The following HSF2BP variants were observed in gnomAD, a reference collection of about 807,000 sequenced individuals.
The protein encoded by HSF2BP is heat shock transcription factor 2 binding protein.
A neutral mutation model predicts 35.0 loss-of-function variants in HSF2BP; 35 were observed. The ratio of observed to expected loss-of-function variants is 1.00; its 90% CI spans 0.76 to 1.32. The LOEUF (loss-of-function observed/expected upper bound fraction) is 1.32, where lower values mean the gene tolerates loss of function less well. Ranked by LOEUF, HSF2BP falls within the 40% of genes most tolerant of loss-of-function variation. HSF2BP has a pLI of 0.00. For missense variants in HSF2BP, 326 were observed against 321.7 expected, an observed-to-expected ratio of 1.01 and a Z score of -0.10; for synonymous variants, 114 against 117.4, an observed-to-expected ratio of 0.97 and a Z score of 0.18.
At chr21:43,625,277 C>T (rs1219421654) in intron 6 of HSF2BP, among the ~76,000 whole-genome samples, 2 of 151,986 alleles carry the variant, frequency 1.3e-5, no homozygotes, top group African/African-American at 4.8e-5. Context: ...AAGACAACAG[C>T]CTCCAAGCAG....
intron 6 of HSF2BP, among the ~76,000 whole-genome samples, chr21:43,629,051 G>A (rs1012820387): frequency 6.6e-6 from 1 of 152,210 alleles, no homozygotes; most frequent in Non-Finnish European, 1.5e-5. Context: ...CCATGATGGA[G>A]AGGTACAAGG....
chr21:43,573,016 C>T (rs1687509223), intron 8 of HSF2BP, among the ~76,000 whole-genome samples: 2 of 152,194 alleles, frequency 1.3e-5, no homozygotes, highest in Admixed American at 1.3e-4. Context: ...TAGCGGTGCA[C>T]CTGGTCCTTA....
Position 43,658,227 on chromosome 21 carries a change from T to C in HSF2BP, c.-131A>G, listed in dbSNP as rs1319276376. The C allele has an allele frequency of 9.2e-7, 1 of 1,090,798 alleles. No homozygotes were observed. Among genetic ancestry groups the C allele is most frequent in the Non-Finnish European group, 1.3e-6 (1 of 792,102 alleles). 67.6% of individuals were successfully genotyped at this position (1,090,798 alleles called of 1,614,324 possible). A position where few individuals can be genotyped will look rare whatever the true frequency, so the allele number is the denominator to read the frequency against. On this transcript the variant is annotated 5_prime_UTR_variant, in exon 2 of 9. Coordinates refer to ENST00000291560, the MANE Select transcript of HSF2BP (RefSeq NM_007031.2). Reference sequence around the variant, plus strand: ...GCCGCCAGGCCCAAACCTCCCAGAATTTGCGCAGTATTCTCGGCCTAGAGA... The same window carrying C: ...GCCGCCAGGCCCAAACCTCCCAGAACTTGCGCAGTATTCTCGGCCTAGAGA...
Position 43,613,934 on chromosome 21 carries a change from T to A in HSF2BP, c.588A>T (p.Ile196=). ...TAACCAAGAATTCACGACCACATGC[T>A]ATAGCAGCAACATCTGCAACAGAAA... The part of the protein sequence containing the change: ...LAGIVTNVAA[I]ACGREFLVNS... The change falls in exon 7 of 9, where the codon ATA becomes ATT. Residue 196 remains isoleucine, a synonymous_variant. Transcript: ENST00000291560. 1 of 1,608,638 alleles carries A rather than the reference T, an allele frequency of 6.2e-7. No individual in the cohort carries two copies.
intron 7 of HSF2BP, among the ~76,000 whole-genome samples, chr21:43,595,726 ATTTTTTTTTTTTTT>A (rs770855952): frequency 0.022 from 1,278 of 58,510 alleles, 19 homozygotes; most frequent in Middle Eastern, 0.075. Flanking sequence ...TAAGAGGCTA[ATTTTTTTTTTTTTT>A]TTTTTTTTTT....
chr21:43,467,937 A>G, the HSF2BP span, among the ~76,000 whole-genome samples: 2 of 85,738 alleles, frequency 2.3e-5, no homozygotes, highest in African/African-American at 4.9e-5. Context: ...CACACCACAC[A>G]CACACACCAC....
intron 3 of HSF2BP, among the ~76,000 whole-genome samples, chr21:43,651,351 G>A (rs1044145674): frequency 2.6e-5 from 4 of 151,854 alleles, no homozygotes; most frequent in East Asian, 1.9e-4. Context: ...TCTCACTGCC[G>A]ATCATAAATC....
the HSF2BP span, among the ~76,000 whole-genome samples, chr21:43,499,873 T>C: frequency 9.1e-6 from 1 of 109,872 alleles, no homozygotes; most frequent in Admixed American, 9.4e-5. Flanking sequence ...CACGCCACAC[T>C]ACATGCACAC....
chr21:43,619,839 G>A (rs887443822), intron 6 of HSF2BP, among the ~76,000 whole-genome samples: 1 of 152,236 alleles, frequency 6.6e-6, no homozygotes, highest in African/African-American at 2.4e-5. Flanking sequence ...GGCCAGAGAA[G>A]ACACCAAATC....
intron 3 of HSF2BP, among the ~76,000 whole-genome samples, chr21:43,654,211 G>A (rs1347436975): frequency 6.6e-6 from 1 of 152,130 alleles, no homozygotes; most frequent in Non-Finnish European, 1.5e-5. Context: ...GCCTTATTCT[G>A]TAAAATCCCA....
intron 3 of HSF2BP, among the ~76,000 whole-genome samples, chr21:43,652,927 G>A (rs1012036459): frequency 6.6e-6 from 1 of 152,076 alleles, no homozygotes; most frequent in Non-Finnish European, 1.5e-5. Flanking sequence ...CTGAGGTCAG[G>A]AGTTCAAGAC....
At chr21:43,653,622 G>A (rs2082826559) in intron 3 of HSF2BP, among the ~76,000 whole-genome samples, 2 of 152,188 alleles carry the variant, frequency 1.3e-5, no homozygotes, top group East Asian at 1.9e-4. Context: ...ATGAGTCTGG[G>A]TGGGGTTTTT....
intron 8 of HSF2BP, among the ~76,000 whole-genome samples, chr21:43,585,756 G>A (rs948193808): frequency 3.1e-4 from 47 of 152,288 alleles, no homozygotes; most frequent in Middle Eastern, 3.4e-3. Context: ...GGGCGTAAGA[G>A]ATTAAAAGGA....
chr21:43,616,041 G>GAAAAAA (rs72045043), intron 6 of HSF2BP, among the ~76,000 whole-genome samples: 7 of 141,262 alleles, frequency 5.0e-5, no homozygotes, highest in African/African-American at 1.8e-4. Context: ...CATCGCTGAA[G>GAAAAAA]AAAAAAAAAA....
In HSF2BP at chr21:43,642,756, C is replaced by T. The variant is rs570951739; in HGVS notation, c.291+1533G>A. 2.0e-5 allele frequency among the ~76,000 whole-genome samples: 3 copies of T among 151,614 alleles called. No individual in the cohort carries two copies. The South Asian group carries it at 6.3e-4, about 32-fold the overall frequency. Reference sequence around the variant, plus strand: ...CAATGCTACTTTACCATGGCTGTTTCCTTCTTCTCAGTATGCATTTACTGG... The same window carrying T: ...CAATGCTACTTTACCATGGCTGTTTTCTTCTTCTCAGTATGCATTTACTGG... On this transcript the variant is annotated intron_variant, in intron 4 of 8. Transcript: ENST00000291560.
intron 6 of HSF2BP, among the ~76,000 whole-genome samples, chr21:43,615,026 G>A (rs1332604797): frequency 1.3e-5 from 2 of 152,178 alleles, no homozygotes; most frequent in African/African-American, 2.4e-5. Flanking sequence ...TAATTACACT[G>A]CTCCCAATGG....
chr21:43,656,374 G>A (rs1249341931), intron 3 of HSF2BP, among the ~76,000 whole-genome samples: 1 of 152,198 alleles, frequency 6.6e-6, no homozygotes, highest in East Asian at 1.9e-4. Context: ...GTTAATAGAT[G>A]CTCAGAAAAC....
At chr21:43,572,358 A>C (rs2081588066) in intron 8 of HSF2BP, among the ~76,000 whole-genome samples, 1 of 152,226 alleles carries the variant, frequency 6.6e-6, no homozygotes, top group South Asian at 2.1e-4. Context: ...AGTGACAGTC[A>C]TAGGTGTAGA....
At chr21:43,636,382 T>C (rs1481417900) in intron 4 of HSF2BP, among the ~76,000 whole-genome samples, 1 of 152,086 alleles carries the variant, frequency 6.6e-6, no homozygotes, top group Non-Finnish European at 1.5e-5. Flanking sequence ...AATCATGACC[T>C]ATTAAAAAAT....
Sources: allele counts gnomAD v4.1 joint callset (sites outside exome capture counted in the v4.1 genomes callset), GRCh38; gene constraint gnomAD v4.1.1; transcripts MANE v1.5; gene names NCBI Gene and HGNC (gene_info 2026-07-23, HGNC 2026-07-21).